Variants in MGAT4C observed in about 807,000 individuals in gnomAD.
The protein encoded by MGAT4C is alpha-1,3-mannosyl-glycoprotein 4-beta-N-acetylglucosaminyltransferase C.
Under a neutral mutation model 40.1 loss-of-function variants are expected in MGAT4C, and 19 were observed. That is an observed-to-expected ratio of 0.47 (90% CI 0.33 to 0.70). The LOEUF (loss-of-function observed/expected upper bound fraction) is 0.70, where lower values mean the gene tolerates loss of function less well. Ranked by LOEUF, MGAT4C falls within the 30% of genes least tolerant of loss-of-function variation. The pLI is 0.02. For synonymous variants in MGAT4C, 181 were observed against 187.1 expected, an observed-to-expected ratio of 0.97 and a Z score of 0.27; for missense variants, 491 against 563.2, an observed-to-expected ratio of 0.87 and a Z score of 1.30.
At chr12:86,388,036 A>G (rs1029928582) in intron 3 of MGAT4C, among the ~76,000 whole-genome samples, 3 of 152,194 alleles carry the variant, frequency 2.0e-5, no homozygotes, top group Non-Finnish European at 4.4e-5. Context: ...TAATTCAGAC[A>G]TGGCTGCTGA....
At chr12:86,400,251 G>T (rs1956331989) in intron 3 of MGAT4C, among the ~76,000 whole-genome samples, 1 of 152,174 alleles carries the variant, frequency 6.6e-6, no homozygotes, top group African/African-American at 2.4e-5. Context: ...TCCTCTGTGG[G>T]TATTATTCAC....
chr12:86,574,353 T>G (rs985896514), intron 2 of MGAT4C, among the ~76,000 whole-genome samples: 1 of 151,842 alleles, frequency 6.6e-6, no homozygotes, highest in Non-Finnish European at 1.5e-5. Flanking sequence ...ATATTTGCAG[T>G]GTCAGCACCT....
intron 1 of MGAT4C, among the ~76,000 whole-genome samples, chr12:86,126,502 A>G (rs1331313350): frequency 6.6e-6 from 1 of 152,176 alleles, no homozygotes; most frequent in East Asian, 1.9e-4. Context: ...TCCAAAAACT[A>G]TTGCACCAAG....
chr12:86,814,330 G>A (rs777779301), intron 1 of MGAT4C, among the ~76,000 whole-genome samples: 60 of 2,062 alleles, frequency 0.029, no homozygotes, highest in East Asian at 0.18. Context: ...ATACATATAC[G>A]TATATATATA....
At chr12:86,508,212 C>A (rs747474304) in intron 2 of MGAT4C, among the ~76,000 whole-genome samples, 12 of 152,074 alleles carry the variant, frequency 7.9e-5, no homozygotes, top group South Asian at 2.1e-4. Context: ...TCCCCCCTTC[C>A]CCCACCATAC....
chr12:85,961,490 A>G lies in MGAT4C; in HGVS notation c.*17799T>C, dbSNP rs1883109431. The G allele has an allele frequency of 1.3e-5, 2 of 151,840 alleles. No individual in the cohort carries two copies. The highest frequency in any genetic ancestry group is 4.8e-5 in the African/African-American group (2 of 41,518). The allele number at this position is 151,840 out of a possible 1,614,324, so 9.4% of individuals were successfully genotyped here. On this transcript the variant is annotated 3_prime_UTR_variant, in exon 5 of 5. Coordinates refer to ENST00000611864, the MANE Select transcript of MGAT4C (RefSeq NM_001351288.2). ...TAATTATGTATATATATAAAATTAT[A>G]TATGGTATAGTTTCAACTTCTAATC...
At chr12:86,151,283 GA>G (rs1426269249) in intron 1 of MGAT4C, among the ~76,000 whole-genome samples, 2 of 149,878 alleles carry the variant, frequency 1.3e-5, no homozygotes, top group Non-Finnish European at 3.0e-5. Context: ...AAATGGAAGT[GA>G]AATCAGTGCC....
At chr12:86,098,989 TAGAAG>T (rs1475280379) in intron 1 of MGAT4C, among the ~76,000 whole-genome samples, 10 of 151,572 alleles carry the variant, frequency 6.6e-5, no homozygotes, top group African/African-American at 2.4e-4. Flanking sequence ...TTAGAATAGT[TAGAAG>T]AGAATAGTTA....
chr12:86,344,059 T>C (rs1383811713), intron 3 of MGAT4C, among the ~76,000 whole-genome samples: 1 of 152,144 alleles, frequency 6.6e-6, no homozygotes, highest in African/African-American at 2.4e-5. Flanking sequence ...CAGAATAAAT[T>C]GCCAGAATAA....
intron 1 of MGAT4C, among the ~76,000 whole-genome samples, chr12:86,053,592 T>A (rs1893101194): frequency 6.6e-6 from 1 of 151,664 alleles, no homozygotes; most frequent in South Asian, 2.1e-4. Context: ...TGGGATTATA[T>A]CAAATTAGAA....
intron 1 of MGAT4C, among the ~76,000 whole-genome samples, chr12:86,063,482 C>T (rs1297184067): frequency 6.6e-6 from 1 of 152,096 alleles, no homozygotes; most frequent in Non-Finnish European, 1.5e-5. Flanking sequence ...GGGAAAATAA[C>T]CAGCTAGCAT....
intron 3 of MGAT4C, among the ~76,000 whole-genome samples, chr12:86,371,864 A>G (rs1242835686): frequency 1.3e-5 from 2 of 151,962 alleles, no homozygotes; most frequent in African/African-American, 2.4e-5. Flanking sequence ...TGAGAAAAAG[A>G]CCTGGAAGTT....
chr12:86,028,025 A>C (rs1483157161), intron 2 of MGAT4C: 34 of 787,250 alleles, frequency 4.3e-5, no homozygotes, highest in Non-Finnish European at 5.8e-5. Context: ...CCAGGCTTTG[A>C]AAATCAAGTG....
chr12:86,666,977 G>C (rs552977456), intron 2 of MGAT4C, among the ~76,000 whole-genome samples: 1 of 152,270 alleles, frequency 6.6e-6, no homozygotes, highest in South Asian at 2.1e-4. Context: ...TGGTTACTTA[G>C]TTGGAAGGGA....
chr12:86,467,025 T>C (rs917838539), intron 2 of MGAT4C, among the ~76,000 whole-genome samples: 8 of 152,166 alleles, frequency 5.3e-5, no homozygotes, highest in Admixed American at 6.5e-5. Flanking sequence ...GGTTTTGCTA[T>C]AGTTAATGCA....
At chr12:86,157,701 A>C (rs1885126577) in intron 1 of MGAT4C, among the ~76,000 whole-genome samples, 1 of 152,186 alleles carries the variant, frequency 6.6e-6, no homozygotes, top group Non-Finnish European at 1.5e-5. Flanking sequence ...AGGTGAAGGA[A>C]AAGAAAGACA....
intron 2 of MGAT4C, among the ~76,000 whole-genome samples, chr12:86,654,130 T>C (rs1026689444): frequency 1.3e-5 from 2 of 151,928 alleles, no homozygotes; most frequent in Admixed American, 6.6e-5. Flanking sequence ...TAATCACTGA[T>C]GAACAAGCCT....
intron 3 of MGAT4C, among the ~76,000 whole-genome samples, chr12:86,361,864 A>G (rs1955482083): frequency 6.6e-6 from 1 of 152,234 alleles, no homozygotes; most frequent in African/African-American, 2.4e-5. Context: ...GTGGAGAAAC[A>G]GGAATTCCTT....
intron 1 of MGAT4C, among the ~76,000 whole-genome samples, chr12:86,176,079 G>A (rs1459127963): frequency 6.6e-6 from 1 of 152,202 alleles, no homozygotes; most frequent in Non-Finnish European, 1.5e-5. Context: ...GTTTCCTAGT[G>A]ATGCCAATAT....
Sources: gnomAD v4.1 joint callset for allele counts (sites outside exome capture counted in the v4.1 genomes callset) on GRCh38, gnomAD v4.1.1 for gene constraint, MANE v1.5 for transcripts, NCBI Gene and HGNC (gene_info 2026-07-23, HGNC 2026-07-21) for gene names.